The following RBPMS variants were observed in gnomAD, a reference collection of about 807,000 sequenced individuals.
RBPMS encodes RNA binding protein, mRNA processing factor, also known as RNA-binding protein with multiple splicing.
A neutral mutation model predicts 26.8 loss-of-function variants in RBPMS; 7 were observed. The observed-to-expected ratio is 0.26, with a 90% CI of 0.15 to 0.49. RBPMS has a LOEUF of 0.49. Among genes scored for constraint, RBPMS ranks in the 20% least tolerant of loss-of-function variants. The probability of loss-of-function intolerance (pLI) is 0.98; values close to 1 mark genes in which losing one functional copy is unlikely to be tolerated. For missense variants in RBPMS, 186 were observed against 250.0 expected, an observed-to-expected ratio of 0.74 and a Z score of 1.73; for synonymous variants, 96 against 93.3, an observed-to-expected ratio of 1.03 and a Z score of -0.17.
chr8:30,547,547 C>A, intron 6 of RBPMS: 1 of 1,395,444 alleles, frequency 7.2e-7, no homozygotes, highest in South Asian at 1.5e-5. Context: ...GTTTTGTTTT[C>A]ATGGTGATGC....
chr8:30,452,103 C>T (rs1309697201), intron 1 of RBPMS, among the ~76,000 whole-genome samples: 1 of 152,106 alleles, frequency 6.6e-6, no homozygotes, highest in Admixed American at 6.5e-5. Flanking sequence ...AGGCTGCATT[C>T]GTGTGTCTGA....
At chr8:30,466,021 T>C (rs1401965624) in intron 1 of RBPMS, among the ~76,000 whole-genome samples, 3 of 152,196 alleles carry the variant, frequency 2.0e-5, no homozygotes, top group African/African-American at 2.4e-5. Context: ...CCCATTAGTC[T>C]TCCTTCTTCC....
chr8:30,468,651 G>C (rs892100746), intron 1 of RBPMS, among the ~76,000 whole-genome samples: 1 of 152,110 alleles, frequency 6.6e-6, no homozygotes, highest in African/African-American at 2.4e-5. Flanking sequence ...GATATTTATA[G>C]AACATACACT....
intron 1 of RBPMS, chr8:30,442,571 G>C (rs1412784863): frequency 6.6e-6 from 1 of 152,238 alleles, no homozygotes; most frequent in Admixed American, 6.6e-5. Flanking sequence ...AATGCTTCCT[G>C]TTTTGTTCAC....
intron 1 of RBPMS, among the ~76,000 whole-genome samples, chr8:30,395,403 G>C (rs114859606): frequency 2.1e-5 from 1 of 46,566 alleles, no homozygotes; most frequent in Non-Finnish European, 3.7e-5. Flanking sequence ...AGGTCGAGGC[G>C]GCTGTGAGCC....
Position 30,562,031 on chromosome 8 carries a change from G to T in RBPMS, c.*7+3075G>T, listed in dbSNP as rs112261638. 527 of 985,252 alleles carry T rather than the reference G, an allele frequency of 5.3e-4. 3 individuals carry two copies. The Middle Eastern group carries it at 9.9e-3, about 19-fold the overall frequency. The allele number at this position is 985,252 out of a possible 1,614,324, so 61.0% of individuals were successfully genotyped here. On this transcript the variant is annotated intron_variant, in intron 7 of 8. Transcript: ENST00000397323. ...GAAGCCCTAGATCCGAATAAGATCC[G>T]AATAAGAATATGTAATGGACCAGGC...
intron 7 of RBPMS, among the ~76,000 whole-genome samples, chr8:30,563,554 G>C (rs931634671): frequency 6.6e-6 from 1 of 152,162 alleles, no homozygotes; most frequent in African/African-American, 2.4e-5. Context: ...GCCATGGACC[G>C]GGACCAGAGC....
intron 8 of RBPMS, among the ~76,000 whole-genome samples, chr8:30,569,143 C>G (rs1290898384): frequency 6.6e-6 from 1 of 152,166 alleles, no homozygotes; most frequent in South Asian, 2.1e-4. Context: ...TGTACAGAAC[C>G]CAAAGTTGGT....
At chr8:30,415,686 CTG>C (rs1405253697) in intron 1 of RBPMS, among the ~76,000 whole-genome samples, 9 of 152,118 alleles carry the variant, frequency 5.9e-5, no homozygotes, top group African/African-American at 2.2e-4. Flanking sequence ...GCTGGAAAGT[CTG>C]TATTGACTGG....
intron 4 of RBPMS, among the ~76,000 whole-genome samples, chr8:30,499,006 G>A (rs1820276863): frequency 6.6e-6 from 1 of 152,268 alleles, no homozygotes; most frequent in Admixed American, 6.5e-5. Flanking sequence ...AATAAATAAT[G>A]ATAGTAATGA....
chr8:30,467,740 T>C (rs1816666582), intron 1 of RBPMS, among the ~76,000 whole-genome samples: 1 of 152,188 alleles, frequency 6.6e-6, no homozygotes, highest in African/African-American at 2.4e-5. Flanking sequence ...AGCTTGTCCC[T>C]GAGGATCAAG....
chr8:30,446,795 T>TTTG (rs1491178163), intron 1 of RBPMS: 12 of 112,518 alleles, frequency 1.1e-4, no homozygotes, highest in African/African-American at 4.0e-4. Context: ...CACACATGGC[T>TTTG]TGTGTGTGTG....
intron 5 of RBPMS, among the ~76,000 whole-genome samples, chr8:30,523,403 G>A (rs1241579089): frequency 6.6e-6 from 1 of 151,240 alleles, no homozygotes; most frequent in African/African-American, 2.4e-5. Context: ...TAATAATGAT[G>A]ATGAATTTCC....
chr8:30,559,073 T>G, intron 7 of RBPMS, 117 bp downstream of exon 7: 1 of 791,544 alleles, frequency 1.3e-6, no homozygotes, highest in Admixed American at 2.0e-5. Flanking sequence ...ATGCACCTCC[T>G]TTGTCCATCT....
intron 5 of RBPMS, among the ~76,000 whole-genome samples, chr8:30,520,619 C>T (rs887828616): frequency 4.6e-5 from 7 of 152,076 alleles, no homozygotes; most frequent in East Asian, 1.9e-4. Context: ...GTGCCCAATA[C>T]GACCTATCAC....
intron 4 of RBPMS, among the ~76,000 whole-genome samples, chr8:30,499,941 C>A (rs1276852601): frequency 6.6e-6 from 1 of 151,504 alleles, no homozygotes; most frequent in Non-Finnish European, 1.5e-5. Context: ...TCTAAGAAAT[C>A]TGTGCAAAGG....
chr8:30,468,218 G>A (rs1585568319), intron 1 of RBPMS, among the ~76,000 whole-genome samples: 3 of 152,090 alleles, frequency 2.0e-5, no homozygotes, highest in South Asian at 4.2e-4. Context: ...GAAATTGGAC[G>A]TATGTATTTG....
At chr8:30,495,890 T>G (rs561804939) in intron 4 of RBPMS, among the ~76,000 whole-genome samples, 1 of 152,352 alleles carries the variant, frequency 6.6e-6, no homozygotes, top group South Asian at 2.1e-4. Context: ...AAGAAAAATC[T>G]TCACGGAACT....
At chr8:30,509,572 C>G (rs1034384132) in intron 5 of RBPMS, among the ~76,000 whole-genome samples, 44 of 152,198 alleles carry the variant, frequency 2.9e-4, no homozygotes, top group African/African-American at 1.1e-3. Context: ...CATCCAGGGC[C>G]TATCTAAAGC....
Sources: allele counts gnomAD v4.1 joint callset (sites outside exome capture counted in the v4.1 genomes callset), GRCh38; gene constraint gnomAD v4.1.1; transcripts MANE v1.5; gene names NCBI Gene and HGNC (gene_info 2026-07-23, HGNC 2026-07-21).